The following ADGRV1 variants were observed in gnomAD, a reference collection of about 807,000 sequenced individuals.
The protein encoded by ADGRV1 is G-protein coupled receptor 98.
In ADGRV1, 359 loss-of-function variants were observed where a neutral mutation model predicts 596.2. The observed-to-expected ratio is 0.60, with a 90% confidence interval of 0.55 to 0.66. The LOEUF (loss-of-function observed/expected upper bound fraction) is 0.66, where lower values mean the gene tolerates loss of function less well. ADGRV1 is among the 30% of genes least tolerant of loss of function. The pLI is 0.00. For synonymous variants in ADGRV1, 2,681 were observed against 2,679.2 expected (o/e 1.00, Z -0.02); for missense variants, 7,274 against 7,575.6 (o/e 0.96, Z 1.48).
At chr5:91,133,100 A>G (rs1432404625) in intron 87 of ADGRV1, among the ~76,000 whole-genome samples, 1 of 152,180 alleles carries the variant, frequency 6.6e-6, no homozygotes, top group East Asian at 1.9e-4. Context: ...GTGTGATATC[A>G]TGGTGTTTTC....
At chr5:90,975,459 C>A (rs1779476899) in intron 84 of ADGRV1, among the ~76,000 whole-genome samples, 1 of 152,152 alleles carries the variant, frequency 6.6e-6, no homozygotes, top group East Asian at 1.9e-4. Flanking sequence ...CCCAAATGTC[C>A]ATCAGTGATA....
intron 70 of ADGRV1, among the ~76,000 whole-genome samples, chr5:90,800,172 C>A (rs1356306068): frequency 2.0e-5 from 3 of 152,094 alleles, no homozygotes; most frequent in Non-Finnish European, 4.4e-5. Context: ...TTTTTGCAAT[C>A]TATCCATCTG....
intron 83 of ADGRV1, among the ~76,000 whole-genome samples, chr5:90,883,773 C>T (rs551757830): frequency 1.3e-5 from 2 of 152,226 alleles, no homozygotes; most frequent in Middle Eastern, 3.4e-3. Context: ...CTTTCACTTA[C>T]GGGACTGTGG....
intron 50 of ADGRV1, among the ~76,000 whole-genome samples, chr5:90,735,701 A>T (rs1753135640): frequency 6.6e-6 from 1 of 151,992 alleles, no homozygotes; most frequent in African/African-American, 2.4e-5. Context: ...TCAGCGTTGT[A>T]CAGTTTTCAG....
chr5:90,616,591 T>A (rs1763394500), intron 2 of ADGRV1, among the ~76,000 whole-genome samples: 1 of 152,170 alleles, frequency 6.6e-6, no homozygotes, highest in Admixed American at 6.5e-5. Context: ...TGTTGATATA[T>A]AATAGTTGTA....
intron 34 of ADGRV1, among the ~76,000 whole-genome samples, chr5:90,700,234 A>G (rs142321078): frequency 3.9e-5 from 6 of 152,268 alleles, no homozygotes; most frequent in African/African-American, 1.4e-4. Context: ...GGGTGAAAAT[A>G]ATTGTGCCAT....
At chr5:91,056,087 C>T in intron 85 of ADGRV1, among the ~76,000 whole-genome samples, 1 of 152,152 alleles carries the variant, frequency 6.6e-6, no homozygotes, top group East Asian at 1.9e-4. Context: ...GCGAATATGG[C>T]AGATGAGGCA....
At chr5:91,106,448 G>A (rs183457731) in intron 87 of ADGRV1, among the ~76,000 whole-genome samples, 2 of 152,126 alleles carry the variant, frequency 1.3e-5, no homozygotes, top group Admixed American at 1.3e-4. Flanking sequence ...GTTATTTGAG[G>A]TCTTTTGTGA....
rs780004970 is a variant in ADGRV1 at position 90,720,147 on chromosome 5, C to T, written c.9547C>T (p.His3183Tyr). Residue 3183 changes from histidine to tyrosine, a missense_variant, in exon 44 of 90, where the codon CAT (histidine) becomes TAT (tyrosine). This residue lies in a region of ADGRV1 where 3,643 missense variants were observed against 3,809.2 expected (regional missense o/e 0.96). Transcript: ENST00000405460. ...NPTGGARLGV[H>Y]VQTLITVLQN... is the part of the protein sequence containing the mutation. ...AACTGGAGGTGCTAGACTAGGGGTG[C>T]ATGTTCAAACCCTGATAACAGTTTT... 1 of 1,612,816 alleles carries T rather than the reference C, an allele frequency of 6.2e-7. No individual in the cohort carries two copies. The highest frequency in any genetic ancestry group is 8.5e-7 in the Non-Finnish European group (1 of 1,179,274).
At chr5:90,914,007 C>T (rs10074525) in intron 83 of ADGRV1, among the ~76,000 whole-genome samples, 112,871 of 152,078 alleles carry the variant, frequency 0.74, 42,268 homozygotes, top group East Asian at 1. Context: ...GAAAATTGAA[C>T]CCTTGGTTTA....
At chr5:91,016,714 GA>G (rs1324505208) in intron 85 of ADGRV1, among the ~76,000 whole-genome samples, 3 of 151,852 alleles carry the variant, frequency 2.0e-5, no homozygotes, top group Admixed American at 2.0e-4. Context: ...AAGATAATGT[GA>G]CCAAAGAAAA....
chr5:90,886,356 G>A (rs1770284258), intron 83 of ADGRV1, among the ~76,000 whole-genome samples: 1 of 152,058 alleles, frequency 6.6e-6, no homozygotes, highest in Admixed American at 6.6e-5. Flanking sequence ...CTCACTAGTG[G>A]GCTCACTTAT....
intron 1 of ADGRV1, among the ~76,000 whole-genome samples, chr5:90,612,619 T>C (rs557796759): frequency 5.4e-4 from 82 of 152,044 alleles, no homozygotes; most frequent in Non-Finnish European, 1.1e-3. Context: ...ATTGTAAGGA[T>C]TAAATGTGTT....
At chr5:90,629,749 AT>A in intron 9 of ADGRV1, 1 of 419,086 alleles carries the variant, frequency 2.4e-6, no homozygotes, top group East Asian at 3.7e-5. Context: ...ACCAAAGTTA[AT>A]ATTTTAATTA....
intron 50 of ADGRV1, among the ~76,000 whole-genome samples, chr5:90,735,717 C>CA (rs1405065596): frequency 6.6e-6 from 1 of 151,524 alleles, no homozygotes; most frequent in African/African-American, 2.4e-5. Context: ...TTCAGTATAC[C>CA]AGTCGTTCGT....
intron 87 of ADGRV1, among the ~76,000 whole-genome samples, chr5:91,138,563 A>G (rs1794834996): frequency 6.6e-6 from 1 of 152,146 alleles, no homozygotes; most frequent in African/African-American, 2.4e-5. Flanking sequence ...TCTCTACTAA[A>G]CCGTCATCAG....
Position 90,653,943 on chromosome 5 carries a change from A to T in ADGRV1, c.4369A>T (p.Ile1457Phe). 6.4e-7 allele frequency: 1 copy of T among 1,556,040 alleles called. No homozygotes were observed. Among genetic ancestry groups the T allele is most frequent in the Non-Finnish European group, 8.7e-7 (1 of 1,149,020 alleles). ...AATCAAGAGTCTGAAAGGAGAAGCC[A>T]TTACTGACGGTGAGGGTCATCATCA... The part of the protein sequence containing the change: ...RGIKSLKGEA[I>F]TDGPGILRIG... Residue 1457 changes from isoleucine (I) to phenylalanine (F), a missense_variant, in exon 20 of 90, where the codon ATT (isoleucine) becomes TTT (phenylalanine). Ile to Phe is a conservative substitution (Grantham distance 21). This residue lies in a region of ADGRV1 where 38 missense variants were observed against 66.7 expected (regional missense o/e 0.57). Transcript: ENST00000405460.
chr5:90,765,662 A>G (rs986481398), intron 59 of ADGRV1, among the ~76,000 whole-genome samples: 2 of 152,070 alleles, frequency 1.3e-5, no homozygotes, highest in Admixed American at 6.5e-5. Flanking sequence ...CTGTTTTGAA[A>G]TGTACAATAG....
intron 1 of ADGRV1, among the ~76,000 whole-genome samples, chr5:90,610,783 C>A (rs536124423): frequency 6.6e-6 from 1 of 151,904 alleles, no homozygotes; most frequent in Non-Finnish European, 1.5e-5. Context: ...GAGCACAAAA[C>A]GTAATTTATT....
Sources: gnomAD v4.1 joint callset for allele counts (sites outside exome capture counted in the v4.1 genomes callset) on GRCh38, gnomAD v4.1.1 for gene constraint, gnomAD v4.1.1 regional missense constraint, MANE v1.5 for transcripts, NCBI Gene and HGNC (gene_info 2026-07-23, HGNC 2026-07-21) for gene names.